Variants in CACNG2 observed in about 807,000 individuals in gnomAD.
CACNG2 encodes the protein calcium voltage-gated channel auxiliary subunit gamma 2, also known as voltage-dependent calcium channel gamma-2 subunit.
Under a neutral mutation model 25.9 loss-of-function variants are expected in CACNG2, and 3 were observed. That is an observed-to-expected ratio of 0.12 (90% CI 0.05 to 0.30). The LOEUF (loss-of-function observed/expected upper bound fraction) is 0.30, where lower values mean the gene tolerates loss of function less well. Ranked by LOEUF, CACNG2 falls within the 10% of genes least tolerant of loss-of-function variation. The pLI is 1.00. For missense variants in CACNG2, 341 were observed against 432.5 expected, an observed-to-expected ratio of 0.79 and a Z score of 1.88; for synonymous variants, 167 against 173.3, an observed-to-expected ratio of 0.96 and a Z score of 0.29.
At chr22:36,652,754 C>T (rs906969778) in intron 1 of CACNG2, among the ~76,000 whole-genome samples, 2 of 152,142 alleles carry the variant, frequency 1.3e-5, no homozygotes, top group African/African-American at 2.4e-5. Flanking sequence ...ATAACAGGTG[C>T]TCAGTAATGT....
intron 2 of CACNG2, among the ~76,000 whole-genome samples, chr22:36,571,919 CT>C (rs1440208657): frequency 6.6e-6 from 1 of 151,786 alleles, no homozygotes; most frequent in African/African-American, 2.4e-5. Context: ...TGGGTCCTAC[CT>C]TTTACTGTGT....
chr22:36,568,441 G>A lies in CACNG2; in HGVS notation c.296-1948C>T, dbSNP rs146565214. ...ATTTTTTGAGATGGAGTCTTGCTCT[G>A]TTGCCCAGGCTGGAGTGTAGTGGTG... On this transcript the variant is annotated intron_variant, in intron 2 of 3. Coordinates refer to ENST00000300105, the MANE Select transcript of CACNG2 (RefSeq NM_006078.5). Among the ~76,000 whole-genome samples, 1,494 of 152,022 alleles carry A rather than the reference G, an allele frequency of 9.8e-3. 21 individuals are homozygous for A. Among genetic ancestry groups the A allele is most frequent in the African/African-American group, 0.034 (1,404 of 41,438 alleles).
At chr22:36,598,990 A>G (rs1412346869) in intron 1 of CACNG2, among the ~76,000 whole-genome samples, 8 of 152,212 alleles carry the variant, frequency 5.3e-5, no homozygotes, top group Admixed American at 4.6e-4. Context: ...ATCCAAATCT[A>G]TTTGAATATA....
At chr22:36,662,019 A>G (rs5995326) in intron 1 of CACNG2, among the ~76,000 whole-genome samples, 13,349 of 115,968 alleles carry the variant, frequency 0.12, 2,286 homozygotes, top group African/African-American at 0.38. Context: ...TCCCTCTGTC[A>G]CCCGGGCTGG....
At chr22:36,574,794 ACAAAAC>A (rs140041) in intron 2 of CACNG2, among the ~76,000 whole-genome samples, 71,686 of 122,130 alleles carry the variant, frequency 0.59, 17,208 homozygotes, top group East Asian at 0.66. Flanking sequence ...ACAAAACAAA[ACAAAAC>A]CAAAACAAAA....
chr22:36,627,735 G>A (rs1014228798), intron 1 of CACNG2, among the ~76,000 whole-genome samples: 9 of 150,466 alleles, frequency 6.0e-5, no homozygotes, highest in African/African-American at 2.0e-4. Flanking sequence ...CCATCCTCCC[G>A]CCTCAGCCTC....
intron 1 of CACNG2, among the ~76,000 whole-genome samples, chr22:36,656,090 G>A (rs1210732879): frequency 1.3e-5 from 2 of 152,148 alleles, no homozygotes; most frequent in Admixed American, 6.5e-5. Flanking sequence ...TTACAGGCAT[G>A]AGTCACCGCA....
intron 1 of CACNG2, among the ~76,000 whole-genome samples, 185 bp from the exon 2 acceptor site, chr22:36,587,733 A>G (rs1603500939): frequency 6.6e-6 from 1 of 152,234 alleles, no homozygotes; most frequent in African/African-American, 2.4e-5. Context: ...ACACACCCGC[A>G]GTACTGCAGA....
intron 1 of CACNG2, among the ~76,000 whole-genome samples, chr22:36,630,997 A>T (rs1603502097): frequency 6.6e-6 from 1 of 151,924 alleles, no homozygotes; most frequent in Non-Finnish European, 1.5e-5. Flanking sequence ...CACTTGGCTA[A>T]TTTTTGTATT....
chr22:36,697,700 G>T (rs1322007258), intron 1 of CACNG2, among the ~76,000 whole-genome samples: 1 of 152,218 alleles, frequency 6.6e-6, no homozygotes, highest in African/African-American at 2.4e-5. Flanking sequence ...AAAGCTGCTG[G>T]TTAGAACCCA....
Position 36,570,288 on chromosome 22 carries a change from T to C in CACNG2, c.296-3795A>G, listed in dbSNP as rs1007979676. On this transcript the variant is annotated intron_variant, in intron 2 of 3. Transcript: ENST00000300105. ...CGGGAGAGCAGGGAGGGGTCTGCTG[T>C]GTTGCAGCCAGCAAAGAGCAATGTG... 2.6e-5 allele frequency among the ~76,000 whole-genome samples: 4 copies of C among 152,288 alleles called. No homozygotes were observed. The South Asian group carries it at 8.3e-4, about 32-fold the overall frequency.
chr22:36,664,037 CATGGCTAAATGCATCTTCCCACCCT>C (rs1402361546), intron 1 of CACNG2, among the ~76,000 whole-genome samples: 22 of 152,328 alleles, frequency 1.4e-4, no homozygotes, highest in African/African-American at 5.3e-4. Context: ...CTCTGGACCA[CATGGCTAAATGCATCTTCCCACCCT>C]TCCTCCCCTA....
intron 1 of CACNG2, among the ~76,000 whole-genome samples, chr22:36,588,983 T>C (rs1218025013): frequency 1.6e-5 from 2 of 124,838 alleles, no homozygotes; most frequent in Admixed American, 1.0e-4. Context: ...TTATTACATA[T>C]ACCTTTTTTT....
intron 1 of CACNG2, among the ~76,000 whole-genome samples, chr22:36,654,229 G>A (rs1270341025): frequency 6.6e-6 from 1 of 151,660 alleles, no homozygotes. Flanking sequence ...CTAAGAATGC[G>A]GGTATACTTT....
intron 1 of CACNG2, among the ~76,000 whole-genome samples, chr22:36,618,687 G>A (rs1184864184): frequency 6.6e-6 from 1 of 152,220 alleles, no homozygotes; most frequent in Non-Finnish European, 1.5e-5. Flanking sequence ...TTGGGAGGCT[G>A]AGGCGAGCGG....
chr22:36,672,150 T>C (rs1476392217), intron 1 of CACNG2, among the ~76,000 whole-genome samples: 3 of 137,384 alleles, frequency 2.2e-5, no homozygotes, highest in Non-Finnish European at 4.5e-5. Context: ...TGGGGCTACA[T>C]TTTTTTTTTT....
rs533007558 is a variant in CACNG2, at chr22:36,567,207, A to T, written c.296-714T>A. ...ATTGTTGTGAGGATTAAATGAGTTG[A>T]TTCAGGCAATGCACTTAGATAAGTT... On this transcript the variant is annotated intron_variant, in intron 2 of 3. Transcript: ENST00000300105. 4.6e-5 allele frequency among the ~76,000 whole-genome samples: 7 copies of T among 152,342 alleles called. No homozygotes were observed. In the South Asian group the frequency reaches 1.4e-3, roughly 32 times the overall value.
At chr22:36,641,627 G>A (rs1034344554) in intron 1 of CACNG2, among the ~76,000 whole-genome samples, 2 of 152,192 alleles carry the variant, frequency 1.3e-5, no homozygotes, top group Non-Finnish European at 2.9e-5. Context: ...TTTTGTCTCT[G>A]GCCAGCTCTG....
intron 1 of CACNG2, among the ~76,000 whole-genome samples, chr22:36,619,635 C>T (rs1314453957): frequency 6.6e-6 from 1 of 152,220 alleles, no homozygotes; most frequent in Non-Finnish European, 1.5e-5. Context: ...CACCTTGCCT[C>T]TGTTCTTTTC....
Sources: gnomAD v4.1 joint callset for allele counts (sites outside exome capture counted in the v4.1 genomes callset) on GRCh38, gnomAD v4.1.1 for gene constraint, MANE v1.5 for transcripts, NCBI Gene and HGNC (gene_info 2026-07-23, HGNC 2026-07-21) for gene names.